CNTNAP2: variants seen among roughly 807,000 people sequenced by gnomAD.
The protein encoded by CNTNAP2 is contactin-associated protein-like 2.
In CNTNAP2, 98 loss-of-function variants were observed where a neutral mutation model predicts 155.2. The observed-to-expected ratio is 0.63, with a 90% confidence interval of 0.54 to 0.75. The LOEUF (loss-of-function observed/expected upper bound fraction) is 0.75, where lower values mean the gene tolerates loss of function less well. Among genes scored for constraint, CNTNAP2 ranks in the 30% least tolerant of loss-of-function variants. The pLI, the probability that CNTNAP2 is intolerant of heterozygous loss-of-function variation, is 0.00. For missense variants in CNTNAP2, 1,727 were observed against 1,688.1 expected (o/e 1.02, Z -0.40); for synonymous variants, 651 against 631.2 (o/e 1.03, Z -0.47).
chr7:148,326,015 T>C (rs910333154), intron 21 of CNTNAP2, among the ~76,000 whole-genome samples: 1 of 152,178 alleles, frequency 6.6e-6, no homozygotes. Flanking sequence ...ACCTGTTGTC[T>C]TTCTCCAACC....
In CNTNAP2 at chr7:148,339,247, C is replaced by CCCAAACAT. The variant is rs529461627; in HGVS notation, c.3476-44400_3476-44393dup. ...CGCAGATACACCAGGAGGCTCAAAG[C>CCCAAACAT]CCAAACATCGAAAAAAAAAAAAAGA... On this transcript the variant is annotated intron_variant, in intron 21 of 23. Transcript: ENST00000361727. Among the ~76,000 whole-genome samples, 1,351 of 146,278 alleles carry CCCAAACAT rather than the reference C, an allele frequency of 9.2e-3. 12 individuals are homozygous for CCCAAACAT. The highest frequency in any genetic ancestry group is 0.034 in the African/African-American group (1,301 of 38,234).
chr7:146,956,087 A>T (rs1455344550), intron 3 of CNTNAP2, among the ~76,000 whole-genome samples: 1 of 130,380 alleles, frequency 7.7e-6, no homozygotes, highest in Admixed American at 7.1e-5. Flanking sequence ...GAAGGAGATC[A>T]TTAGATTCTA....
chr7:147,925,205 A>G (rs79352064), intron 14 of CNTNAP2, among the ~76,000 whole-genome samples: 15,114 of 128,086 alleles, frequency 0.12, 1,270 homozygotes, highest in East Asian at 0.3. Context: ...GAAGGAAGGA[A>G]GGAAAGAAGG....
chr7:146,902,535 T>A (rs1238105865), intron 3 of CNTNAP2, among the ~76,000 whole-genome samples: 1 of 152,208 alleles, frequency 6.6e-6, no homozygotes, highest in Non-Finnish European at 1.5e-5. Flanking sequence ...ATAAAGGGTA[T>A]GCAAAAACAG....
chr7:147,761,807 A>G (rs1412802310), intron 13 of CNTNAP2, among the ~76,000 whole-genome samples: 1 of 152,222 alleles, frequency 6.6e-6, no homozygotes, highest in Non-Finnish European at 1.5e-5. Context: ...TCACAGATTA[A>G]TGATGATCTA....
intron 14 of CNTNAP2, among the ~76,000 whole-genome samples, chr7:147,919,787 G>A (rs56181151): frequency 0.077 from 11,616 of 150,936 alleles, 647 homozygotes; most frequent in African/African-American, 0.14. Flanking sequence ...GTTTTTCTCC[G>A]CGTTGCTCAG....
At chr7:147,223,939 CA>C (rs571724956) in intron 8 of CNTNAP2, among the ~76,000 whole-genome samples, 1,327 of 45,760 alleles carry the variant, frequency 0.029, 7 homozygotes, top group African/African-American at 0.064. Context: ...GACTCAATCT[CA>C]AAAAAAAAAA....
chr7:146,509,547 G>T (rs765084248), intron 1 of CNTNAP2, among the ~76,000 whole-genome samples: 1 of 152,158 alleles, frequency 6.6e-6, no homozygotes, highest in Non-Finnish European at 1.5e-5. Flanking sequence ...CACCCCTGGG[G>T]CCTCAATGAC....
chr7:147,390,340 C>T (rs1312214839), intron 9 of CNTNAP2, among the ~76,000 whole-genome samples: 2 of 152,158 alleles, frequency 1.3e-5, no homozygotes, highest in African/African-American at 4.8e-5. Context: ...CTGCATAGTG[C>T]ATTGCCTCAA....
intron 14 of CNTNAP2, among the ~76,000 whole-genome samples, chr7:147,949,369 A>G (rs1442490051): frequency 6.6e-6 from 1 of 151,254 alleles, no homozygotes; most frequent in Non-Finnish European, 1.5e-5. Context: ...GGGGTGAAAG[A>G]GGCAGAAGAA....
intron 1 of CNTNAP2, among the ~76,000 whole-genome samples, chr7:146,721,259 ACT>A (rs1055271125): frequency 5.3e-5 from 7 of 130,978 alleles, no homozygotes; most frequent in South Asian, 2.4e-4. Context: ...TTCTCTATAT[ACT>A]CTCTATATAT....
intron 9 of CNTNAP2, among the ~76,000 whole-genome samples, chr7:147,314,348 C>A (rs955937616): frequency 3.9e-5 from 6 of 152,114 alleles, no homozygotes; most frequent in Non-Finnish European, 8.8e-5. Flanking sequence ...GTCTTTAATA[C>A]TTTTCCAATC....
intron 1 of CNTNAP2, among the ~76,000 whole-genome samples, chr7:146,691,449 A>G (rs150044451): frequency 2.3e-4 from 35 of 152,222 alleles, no homozygotes; most frequent in Middle Eastern, 3.4e-3. Flanking sequence ...ATTATCTAAC[A>G]CAAGTTCTAT....
intron 1 of CNTNAP2, among the ~76,000 whole-genome samples, chr7:146,212,397 G>C (rs977980573): frequency 3.3e-5 from 5 of 152,102 alleles, no homozygotes; most frequent in African/African-American, 9.7e-5. Flanking sequence ...GTGTGTCCCT[G>C]TTTTAAGATG....
chr7:146,331,942 C>T (rs1801194819), intron 1 of CNTNAP2, among the ~76,000 whole-genome samples: 1 of 152,104 alleles, frequency 6.6e-6, no homozygotes, highest in African/African-American at 2.4e-5. Flanking sequence ...CAGGCTATCA[C>T]ATATTTTTAA....
At chr7:147,135,668 A>G (rs543963145) in intron 8 of CNTNAP2, among the ~76,000 whole-genome samples, 12 of 151,766 alleles carry the variant, frequency 7.9e-5, no homozygotes, top group Admixed American at 7.2e-4. Context: ...GTAAGAAAAT[A>G]TTTTATGTCA....
intron 1 of CNTNAP2, among the ~76,000 whole-genome samples, chr7:146,439,719 G>A (rs1796293847): frequency 6.6e-6 from 1 of 151,344 alleles, no homozygotes; most frequent in Non-Finnish European, 1.5e-5. Flanking sequence ...TAGTCACAAA[G>A]GTTCCAACTT....
rs374430613 is a variant in CNTNAP2, at chr7:146,678,365, C to T, written c.98-95906C>T. ...CTGGAATTACAGGCATCAGCTACCA[C>T]ACCCAGCCATAATGTCATATTTATT... On this transcript the variant is annotated intron_variant, in intron 1 of 23. Coordinates refer to ENST00000361727, the MANE Select transcript of CNTNAP2 (RefSeq NM_014141.6). 1.5e-3 allele frequency among the ~76,000 whole-genome samples: 233 copies of T among 152,260 alleles called. 7 individuals are homozygous for T. In the South Asian group the frequency reaches 0.047, roughly 31 times the overall value.
intron 1 of CNTNAP2, among the ~76,000 whole-genome samples, chr7:146,159,217 C>T (rs1213307164): frequency 2.0e-5 from 3 of 152,158 alleles, no homozygotes; most frequent in African/African-American, 7.2e-5. Context: ...ACCAGGCCTG[C>T]CTTACAAGAG....
Sources: gnomAD v4.1 joint callset for allele counts (sites outside exome capture counted in the v4.1 genomes callset) on GRCh38, gnomAD v4.1.1 for gene constraint, MANE v1.5 for transcripts, NCBI Gene and HGNC (gene_info 2026-07-23, HGNC 2026-07-21) for gene names.